Variants in BBOX1 observed in about 807,000 individuals in gnomAD.
The protein encoded by BBOX1 is gamma-butyrobetaine dioxygenase.
Under a neutral mutation model 41.6 loss-of-function variants are expected in BBOX1, and 35 were observed. That is an observed-to-expected ratio of 0.84 (90% CI 0.64 to 1.11). The LOEUF is 1.11. Among genes scored for constraint, BBOX1 ranks in the 50% most tolerant of loss-of-function variants. The pLI is 0.00. For synonymous variants in BBOX1, 163 were observed against 154.7 expected, an observed-to-expected ratio of 1.05 and a Z score of -0.40; for missense variants, 458 against 460.6, an observed-to-expected ratio of 0.99 and a Z score of 0.05.
In BBOX1 at chr11:27,055,540, A is replaced by G. The variant is rs1216537294; in HGVS notation, c.110A>G (p.Asn37Ser). 6.2e-7 allele frequency: 1 copy of G among 1,614,090 alleles called. No homozygotes were observed. The highest frequency in any genetic ancestry group is 8.5e-7 in the Non-Finnish European group (1 of 1,180,040). Residue 37 changes from asparagine (N) to serine (S), a missense_variant, in exon 3 of 9, where the codon AAC becomes AGC. Transcript: ENST00000263182. ...SLYPAVWLRD[N>S]CPCSDCYLDS... is the part of the protein sequence containing the mutation. Reference sequence around the variant, plus strand: ...TACCCAGCTGTATGGTTGAGAGACAACTGTCCGTGCTCTGATTGCTACCTG... The same window carrying G: ...TACCCAGCTGTATGGTTGAGAGACAGCTGTCCGTGCTCTGATTGCTACCTG...
intron 4 of BBOX1, among the ~76,000 whole-genome samples, chr11:27,092,718 C>A (rs1302965164): frequency 6.6e-6 from 1 of 151,946 alleles, no homozygotes; most frequent in Non-Finnish European, 1.5e-5. Flanking sequence ...TATCAAAGCT[C>A]TCCTCAACCC....
chr11:27,110,505 A>G (rs1180908644), intron 5 of BBOX1, among the ~76,000 whole-genome samples: 5 of 151,226 alleles, frequency 3.3e-5, no homozygotes, highest in African/African-American at 1.2e-4. Context: ...TTCTTCCACA[A>G]ATACACTAAA....
At chr11:27,059,394 A>C (rs1436455686) in intron 4 of BBOX1, among the ~76,000 whole-genome samples, 1 of 152,192 alleles carries the variant, frequency 6.6e-6, no homozygotes, top group Non-Finnish European at 1.5e-5. Flanking sequence ...AAATATAAGA[A>C]AGCCTGGGTG....
At chr11:27,075,751 G>T (rs543124354) in intron 4 of BBOX1, among the ~76,000 whole-genome samples, 1 of 152,294 alleles carries the variant, frequency 6.6e-6, no homozygotes, top group South Asian at 2.1e-4. Flanking sequence ...GAACCCAGAG[G>T]GCACTCCTCT....
intron 4 of BBOX1, among the ~76,000 whole-genome samples, chr11:27,077,070 C>A (rs1417602179): frequency 6.6e-6 from 1 of 152,114 alleles, no homozygotes; most frequent in Admixed American, 6.5e-5. Context: ...CAGCACATTT[C>A]CCACCCACCC....
chr11:27,124,784 G>A (rs1859590106), intron 7 of BBOX1, among the ~76,000 whole-genome samples: 1 of 152,120 alleles, frequency 6.6e-6, no homozygotes, highest in African/African-American at 2.4e-5. Flanking sequence ...GGCCTCCCAA[G>A]GGAGGCAGGG....
intron 2 of BBOX1, among the ~76,000 whole-genome samples, chr11:27,049,450 A>G (rs1182269310): frequency 6.6e-6 from 1 of 151,920 alleles, no homozygotes; most frequent in African/African-American, 2.4e-5. Flanking sequence ...GGGTCTTTCT[A>G]TGTTGGCCAC....
intron 2 of BBOX1, among the ~76,000 whole-genome samples, chr11:27,041,706 T>C (rs1050428675): frequency 6.6e-6 from 1 of 152,130 alleles, no homozygotes; most frequent in Non-Finnish European, 1.5e-5. Flanking sequence ...ATGCAGTGGA[T>C]CTGATTGCTT....
At chr11:27,118,505 A>C in intron 6 of BBOX1, among the ~76,000 whole-genome samples, 1 of 152,150 alleles carries the variant, frequency 6.6e-6, no homozygotes, top group African/African-American at 2.4e-5. Context: ...GAGATAAGGC[A>C]CCACATCTTT....
At chr11:27,103,092 A>G (rs1267116184) in intron 5 of BBOX1, among the ~76,000 whole-genome samples, 1 of 152,094 alleles carries the variant, frequency 6.6e-6, no homozygotes, top group East Asian at 1.9e-4. Flanking sequence ...TGGGAGGCCG[A>G]GGCAGGAGAA....
At chr11:27,094,180 T>C (rs1436773319) in intron 5 of BBOX1, among the ~76,000 whole-genome samples, 1 of 151,978 alleles carries the variant, frequency 6.6e-6, no homozygotes, top group Non-Finnish European at 1.5e-5. Context: ...CAAGAGGCTG[T>C]TTGCATAAGA....
chr11:27,050,507 G>A (rs977727239), intron 2 of BBOX1, among the ~76,000 whole-genome samples: 3 of 152,012 alleles, frequency 2.0e-5, no homozygotes, highest in South Asian at 4.1e-4. Flanking sequence ...CCATTTATTT[G>A]TGTCTCATTT....
intron 4 of BBOX1, among the ~76,000 whole-genome samples, chr11:27,086,514 G>T (rs929640433): frequency 6.6e-6 from 1 of 152,240 alleles, no homozygotes; most frequent in South Asian, 2.1e-4. Context: ...GAGACTCACT[G>T]CTCAGAAAGA....
chr11:27,044,398 T>G (rs192503945), intron 2 of BBOX1, among the ~76,000 whole-genome samples: 1 of 152,308 alleles, frequency 6.6e-6, no homozygotes, highest in Non-Finnish European at 1.5e-5. Context: ...GTCTATTCAC[T>G]CTGATGATAG....
intron 4 of BBOX1, among the ~76,000 whole-genome samples, chr11:27,073,071 A>G (rs1276877916): frequency 6.6e-6 from 1 of 152,184 alleles, no homozygotes. Flanking sequence ...AATAGGATCT[A>G]ATTAAACTAA....
chr11:27,070,045 T>C (rs1857396019), intron 4 of BBOX1, among the ~76,000 whole-genome samples: 1 of 152,170 alleles, frequency 6.6e-6, no homozygotes, highest in Admixed American at 6.5e-5. Context: ...AAGAGAAGAT[T>C]GTTTAATTTC....
intron 3 of BBOX1, among the ~76,000 whole-genome samples, chr11:27,056,935 G>T (rs539642642): frequency 2.0e-5 from 3 of 150,860 alleles, no homozygotes; most frequent in African/African-American, 7.3e-5. Context: ...GCGTGGTGTC[G>T]CGTGCCTGTA....
chr11:27,058,980 T>C (rs1584011), intron 4 of BBOX1, among the ~76,000 whole-genome samples: 1 of 152,002 alleles, frequency 6.6e-6, no homozygotes, highest in African/African-American at 2.4e-5. Context: ...TATTTGTATA[T>C]AAGAAGAAGC....
chr11:27,067,124 T>C (rs977009671), intron 4 of BBOX1, among the ~76,000 whole-genome samples: 8 of 152,186 alleles, frequency 5.3e-5, no homozygotes, highest in Admixed American at 3.9e-4. Flanking sequence ...TATCAACTCA[T>C]TATTTTTTTC....
Sources: gnomAD v4.1 joint callset for allele counts (sites outside exome capture counted in the v4.1 genomes callset) on GRCh38, gnomAD v4.1.1 for gene constraint, MANE v1.5 for transcripts, NCBI Gene and HGNC (gene_info 2026-07-23, HGNC 2026-07-21) for gene names.